The following CCNG1 variants were observed in gnomAD, a reference collection of about 807,000 sequenced individuals.
CCNG1 encodes the protein cyclin G1.
In CCNG1, 13 loss-of-function variants were observed where a neutral mutation model predicts 30.0. The observed-to-expected ratio is 0.43, with a 90% CI of 0.28 to 0.69. The LOEUF is 0.69. Ranked by LOEUF, CCNG1 falls within the 30% of genes least tolerant of loss-of-function variation. The pLI is 0.16. For synonymous variants in CCNG1, 110 were observed against 121.5 expected (o/e 0.91, Z 0.62); for missense variants, 285 against 331.4 (o/e 0.86, Z 1.09).
At chr5:163,450,018 C>A (rs544287454), downstream of CCNG1, 3 of 152,128 alleles carry the variant, frequency 2.0e-5, no homozygotes, top group African/African-American at 7.2e-5. Context: ...ACTTCAGAGG[C>A]TGAGGCGGGC....
At chr5:163,441,662 G>A in intron 3 of CCNG1, 1 of 535,398 alleles carries the variant, frequency 1.9e-6, no homozygotes, top group South Asian at 2.7e-5. Context: ...TTGTGGCATA[G>A]TACTATTCAT....
At position 163,444,270 on chromosome 5, in the gene CCNG1, T is replaced by C. The variant is rs1231467619; in HGVS notation, c.*600T>C. On this transcript the variant is annotated 3_prime_UTR_variant, in exon 7 of 7. Coordinates refer to ENST00000340828, the MANE Select transcript of CCNG1 (RefSeq NM_004060.4). The stretch of plus-strand genomic sequence containing the variant: ...CATTTAAATTTGAGGGCATTTTATA[T>C]AAAGAAAAATACAGACCTATAAAGT... The C allele has an allele frequency of 6.6e-6, 1 of 152,624 alleles. No homozygotes were observed. Among genetic ancestry groups the C allele is most frequent in the African/African-American group, 2.4e-5 (1 of 41,448 alleles). 9.5% of individuals were successfully genotyped at this position (152,624 alleles called of 1,614,324 possible).
At chr5:163,439,658 A>G (rs2069345) in intron 2 of CCNG1, 138 bp downstream of exon 2, 38,854 of 660,656 alleles carry the variant, frequency 0.059, 1,539 homozygotes, top group African/African-American at 0.17. Flanking sequence ...CTACTACAGC[A>G]TTAATATTTC....
chr5:163,449,576 C>T (rs1307754994), downstream of CCNG1: 1 of 152,092 alleles, frequency 6.6e-6, no homozygotes, highest in Non-Finnish European at 1.5e-5. Flanking sequence ...TTCTAAAATT[C>T]ATATGGAAGG....
At chr5:163,446,648 GTTATTAT>G (rs1758044755), downstream of CCNG1, 1 of 152,108 alleles carries the variant, frequency 6.6e-6, no homozygotes, top group South Asian at 2.1e-4. Context: ...TTGATAAAAT[GTTATTAT>G]TTATTAAATC....
rs757258231 is a variant in CCNG1 at position 163,439,265 on chromosome 5, G to A, written c.9G>A (p.Glu3=). 1 of 1,612,896 alleles carries A rather than the reference G, an allele frequency of 6.2e-7. No individual in the cohort carries two copies. The highest frequency in any genetic ancestry group is 1.1e-5 in the South Asian group (1 of 91,002). Residue 3 remains glutamate (E), a synonymous_variant, in exon 2 of 7, where the codon GAG becomes GAA. Coordinates refer to ENST00000340828, the MANE Select transcript of CCNG1 (RefSeq NM_004060.4). ...TTTTTTTCTATATATAGATGATAGA[G>A]GTACTGACAACAACTGACTCTCAGA... The part of the protein sequence containing the change: MI[E]VLTTTDSQKL...
chr5:163,439,387 G>A lies in CCNG1; in HGVS notation c.131G>A (p.Gly44Asp), dbSNP rs140497454. ...CTAATTGAGTCTGCACACGATAATG[G>A]CCTCAGAATGACTGCAAGACTAAGG... Reference protein sequence around the residue: ...LRLIESAHDNGLRMTARLRDF... With the variant: ...LRLIESAHDNDLRMTARLRDF... Residue 44 changes from glycine to aspartate, a missense_variant, in exon 2 of 7, where the codon GGC becomes GAC. Physicochemically the swap from Gly to Asp is moderately conservative, Grantham distance 94. Transcript: ENST00000340828. The A allele has an allele frequency of 9.3e-6, 15 of 1,614,050 alleles. No homozygotes were observed. In the East Asian group the frequency reaches 3.1e-4, roughly 34 times the overall value.
chr5:163,454,013 C>A, the CCNG1 span: 1 of 1,558,974 alleles, frequency 6.4e-7, no homozygotes, highest in South Asian at 1.2e-5. Context: ...AGTGTAGTTT[C>A]CTGAGATTTC....
chr5:163,441,630 T>C, intron 3 of CCNG1: 2 of 479,888 alleles, frequency 4.2e-6, no homozygotes, highest in Admixed American at 7.7e-5. Context: ...TTATTAAAAC[T>C]AAAAGAAAAT....
intron 6 of CCNG1, among the ~76,000 whole-genome samples, chr5:163,443,125 T>C (rs62394890): frequency 1 from 152,050 of 152,076 alleles, 76,012 homozygotes; most frequent in Middle Eastern, 1. Context: ...CTGGCCAACA[T>C]GGTGAAACCC....
rs769101532 is a variant in CCNG1, at chr5:163,442,394, C to T, written c.717C>T (p.Thr239=). The T allele has an allele frequency of 6.2e-7, 1 of 1,612,182 alleles. No homozygotes were observed. Among genetic ancestry groups the T allele is most frequent in the Non-Finnish European group, 8.5e-7 (1 of 1,179,264 alleles). ...KHSKINGRDL[T]FWQELVSKCL... ...TACAGATAAATGGCAGAGATCTGAC[C>T]TTCTGGCAAGAGCTTGTATCCAAAT... Residue 239 remains threonine, a synonymous_variant, in exon 6 of 7, where the codon ACC becomes ACT. Coordinates refer to ENST00000340828, the MANE Select transcript of CCNG1 (RefSeq NM_004060.4).
the CCNG1 span, among the ~76,000 whole-genome samples, chr5:163,455,689 G>A: frequency 2.0e-5 from 3 of 151,124 alleles, no homozygotes; most frequent in South Asian, 2.1e-4. Flanking sequence ...GCGGGAATCC[G>A]GGAGGCGGAG....
At chr5:163,442,719 T>C (rs926402084) in intron 6 of CCNG1, among the ~76,000 whole-genome samples, 151 bp downstream of exon 6, 2 of 152,228 alleles carry the variant, frequency 1.3e-5, no homozygotes, top group African/African-American at 4.8e-5. Flanking sequence ...CAGCTAATAT[T>C]TGAAGGCCTT....
downstream of CCNG1, chr5:163,450,055 A>C (rs1758140032): frequency 6.6e-6 from 1 of 152,190 alleles, no homozygotes; most frequent in South Asian, 2.1e-4. Context: ...GTTCAAGACC[A>C]GCCTAGCCTA....
At chr5:163,450,168 C>A (rs1758142519), downstream of CCNG1, 2 of 152,060 alleles carry the variant, frequency 1.3e-5, no homozygotes, top group Admixed American at 6.6e-5. Context: ...GACTGAAGCA[C>A]AAGAATCACT....
At position 163,443,485 on chromosome 5, in the gene CCNG1, A is replaced by T. The variant is rs2069365; in HGVS notation, c.*4-189A>T. 3.9e-3 allele frequency among the ~76,000 whole-genome samples: 587 copies of T among 152,286 alleles called. 13 individuals carry two copies. The highest frequency in any genetic ancestry group is 1.4e-3 in the Non-Finnish European group (97 of 68,022). Reference sequence around the variant, plus strand: ...TGTAAACTTGCTTTCTGCATATGTGATATACATTCTTGCCATATAAATTTC... The same window carrying T: ...TGTAAACTTGCTTTCTGCATATGTGTTATACATTCTTGCCATATAAATTTC... On this transcript the variant is annotated intron_variant, in intron 6 of 6. Coordinates refer to ENST00000340828, the MANE Select transcript of CCNG1 (RefSeq NM_004060.4).
downstream of CCNG1, chr5:163,449,672 C>T (rs1353731980): frequency 1.3e-5 from 2 of 152,120 alleles, no homozygotes; most frequent in Non-Finnish European, 2.9e-5. Flanking sequence ...TTAAGACTTA[C>T]TATAAAGCTG....
chr5:163,442,336 C>T, intron 5 of CCNG1, 38 bp from the exon 6 acceptor site: 8 of 1,474,522 alleles, frequency 5.4e-6, no homozygotes, highest in Non-Finnish European at 7.4e-6. Flanking sequence ...GTGGGACTTA[C>T]TTGGAGTAAT....
intron 5 of CCNG1, 111 bp downstream of exon 5, chr5:163,442,254 C>A: frequency 1.9e-6 from 2 of 1,076,278 alleles, no homozygotes; most frequent in Non-Finnish European, 1.4e-6. Context: ...ACTTAAGTAG[C>A]TATCCTCAAA....
Sources: gnomAD v4.1 joint callset for allele counts (sites outside exome capture counted in the v4.1 genomes callset) on GRCh38, gnomAD v4.1.1 for gene constraint, MANE v1.5 for transcripts, NCBI Gene and HGNC (gene_info 2026-07-23, HGNC 2026-07-21) for gene names.